The following ZNF536 variants were observed in gnomAD, a reference collection of about 807,000 sequenced individuals.
ZNF536 encodes zinc finger protein 536.
In ZNF536, 13 loss-of-function variants were observed where a neutral mutation model predicts 84.5. The ratio of observed to expected loss-of-function variants is 0.15; its 90% CI spans 0.10 to 0.24. The LOEUF (loss-of-function observed/expected upper bound fraction) is 0.24. Among genes scored for constraint, ZNF536 ranks in the 10% least tolerant of loss-of-function variants. ZNF536 has a pLI of 1.00. For synonymous variants in ZNF536, 811 were observed against 742.5 expected, an observed-to-expected ratio of 1.09 and a Z score of -1.50; for missense variants, 1,536 against 1,747.5, an observed-to-expected ratio of 0.88 and a Z score of 2.16.
At chr19:30,693,813 AT>A (rs1204451734) in intron 1 of ZNF536, among the ~76,000 whole-genome samples, 1 of 152,190 alleles carries the variant, frequency 6.6e-6, no homozygotes, top group African/African-American at 2.4e-5. Flanking sequence ...CTATATGGAT[AT>A]ATACTGTGGG....
exon 2 of ZNF536, chr19:30,712,073 C>T (rs779537204): frequency 6.6e-6 from 1 of 151,806 alleles, no homozygotes; most frequent in Non-Finnish European, 1.5e-5. Context: ...ATCTAAACAT[C>T]GTGCTCTCTA....
At chr19:30,523,280 G>A (rs2044441152) in intron 2 of ZNF536, among the ~76,000 whole-genome samples, 1 of 152,146 alleles carries the variant, frequency 6.6e-6, no homozygotes, top group Non-Finnish European at 1.5e-5. Context: ...TATTCATGTT[G>A]AAAGCCACTA....
chr19:30,558,674 T>G (rs547425041), downstream of ZNF536, among the ~76,000 whole-genome samples: 1 of 152,286 alleles, frequency 6.6e-6, no homozygotes, highest in South Asian at 2.1e-4. Context: ...AAGAACCGAT[T>G]TTGCTTTTTG....
chr19:30,601,976 C>T (rs2047703822), intron 1 of ZNF536, among the ~76,000 whole-genome samples: 1 of 152,210 alleles, frequency 6.6e-6, no homozygotes, highest in Non-Finnish European at 1.5e-5. Context: ...CGTCCTCTCC[C>T]CACAGTCATT....
intron 1 of ZNF536, among the ~76,000 whole-genome samples, chr19:30,662,116 T>G (rs1346298114): frequency 6.6e-6 from 1 of 152,250 alleles, no homozygotes; most frequent in Non-Finnish European, 1.5e-5. Context: ...TGCCATCTCC[T>G]GCCCTGTCCT....
chr19:30,624,142 T>A (rs2048590415), intron 1 of ZNF536, among the ~76,000 whole-genome samples: 1 of 152,098 alleles, frequency 6.6e-6, no homozygotes, highest in South Asian at 2.1e-4. Context: ...TATAATAGCA[T>A]AGTAGTCAGG....
intron 1 of ZNF536, among the ~76,000 whole-genome samples, chr19:30,378,684 C>G (rs1169082611): frequency 6.6e-6 from 1 of 152,206 alleles, no homozygotes; most frequent in Non-Finnish European, 1.5e-5. Context: ...CTTTCCATCT[C>G]CTGCATTGCT....
chr19:30,534,165 A>C (rs755639450), intron 2 of ZNF536, among the ~76,000 whole-genome samples: 2 of 152,254 alleles, frequency 1.3e-5, no homozygotes, highest in Non-Finnish European at 2.9e-5. Flanking sequence ...ATGTGTCTGC[A>C]GTGCTGTAAG....
At chr19:30,652,349 A>C (rs2147466695) in intron 1 of ZNF536, among the ~76,000 whole-genome samples, 1 of 152,308 alleles carries the variant, frequency 6.6e-6, no homozygotes, top group Non-Finnish European at 1.5e-5. Context: ...ATCTCTACTG[A>C]GGCCCGCTTT....
At chr19:30,672,183 G>A (rs2050583532) in intron 1 of ZNF536, among the ~76,000 whole-genome samples, 1 of 152,198 alleles carries the variant, frequency 6.6e-6, no homozygotes, top group African/African-American at 2.4e-5. Flanking sequence ...CTTTTATTCT[G>A]CAATTCAGAA....
intron 1 of ZNF536, among the ~76,000 whole-genome samples, chr19:30,615,880 C>T (rs777978520): frequency 3.3e-5 from 5 of 151,986 alleles, no homozygotes; most frequent in Non-Finnish European, 7.4e-5. Flanking sequence ...CTCTTTTCTC[C>T]TCTCTGTCCC....
intron 2 of ZNF536, among the ~76,000 whole-genome samples, chr19:30,449,603 A>G (rs2052504794): frequency 6.6e-6 from 1 of 152,214 alleles, no homozygotes; most frequent in Admixed American, 6.5e-5. Context: ...TGAAGTGTTG[A>G]TGGTGGGAAG....
chr19:30,271,117 C>T (rs1430321839), intron 1 of ZNF536, among the ~76,000 whole-genome samples: 1 of 152,008 alleles, frequency 6.6e-6, no homozygotes, highest in Non-Finnish European at 1.5e-5. Context: ...TTGGAATTTT[C>T]TGGGATAGGA....
In ZNF536 at chr19:30,657,753, A is replaced by T. The variant is rs1477052638; in HGVS notation, c.170-53004A>T. On this transcript the variant is annotated intron_variant, in intron 1 of 1. Coordinates refer to the ZNF536 transcript ENST00000592773. ...GACATCTAACAACCTCAAACCTCAA[A>T]ACTTGCAGTTATCCTTGATTTCTCC... 2.0e-5 allele frequency among the ~76,000 whole-genome samples: 3 copies of T among 152,116 alleles called. No individual in the cohort carries two copies. In the South Asian group the frequency reaches 6.2e-4, roughly 32 times the overall value.
chr19:30,432,040 C>T (rs960963444), intron 1 of ZNF536, among the ~76,000 whole-genome samples: 11 of 150,698 alleles, frequency 7.3e-5, no homozygotes, highest in Non-Finnish European at 1.3e-4. Flanking sequence ...CACACAGGCA[C>T]GCACAGAGAG....
chr19:30,269,636 A>G (rs566486458), intron 1 of ZNF536, among the ~76,000 whole-genome samples: 2 of 152,288 alleles, frequency 1.3e-5, no homozygotes, highest in South Asian at 2.1e-4. Flanking sequence ...ACACCAGGAA[A>G]CACATTGGTG....
Position 30,652,160 on chromosome 19 carries a change from T to C in ZNF536, c.170-58597T>C, listed in dbSNP as rs1360763738. Reference sequence around the variant, plus strand: ...GATCCACAAACTCTTTTAATGTTCATTATAAAATATGAAATATTTCTCAGA... The same window carrying C: ...GATCCACAAACTCTTTTAATGTTCACTATAAAATATGAAATATTTCTCAGA... On this transcript the variant is annotated intron_variant, in intron 1 of 1. Transcript: ENST00000592773. 2.0e-5 allele frequency among the ~76,000 whole-genome samples: 3 copies of C among 152,200 alleles called. No individual in the cohort carries two copies. The East Asian group carries it at 5.8e-4, about 29-fold the overall frequency.
chr19:30,608,394 T>G (rs2047971519), intron 1 of ZNF536, among the ~76,000 whole-genome samples: 1 of 152,140 alleles, frequency 6.6e-6, no homozygotes, highest in African/African-American at 2.4e-5. Context: ...TTCATGGGCA[T>G]CTGCAGATGT....
intron 1 of ZNF536, among the ~76,000 whole-genome samples, chr19:30,272,461 ACT>A (rs1265530284): frequency 6.6e-6 from 1 of 152,084 alleles, no homozygotes; most frequent in African/African-American, 2.4e-5. Context: ...ATTCAGATTC[ACT>A]CTTTGTGTTG....
Sources: allele counts gnomAD v4.1 joint callset (sites outside exome capture counted in the v4.1 genomes callset), GRCh38; gene constraint gnomAD v4.1.1; transcripts MANE v1.5; gene names NCBI Gene and HGNC (gene_info 2026-07-23, HGNC 2026-07-21).